The following PSAT1 variants were observed in gnomAD, a reference collection of about 807,000 sequenced individuals.
PSAT1 encodes phosphoserine aminotransferase.
Under a neutral mutation model 40.3 loss-of-function variants are expected in PSAT1, and 41 were observed. That is an observed-to-expected ratio of 1.02 (90% CI 0.79 to 1.32). The LOEUF is 1.32. Ranked by LOEUF, PSAT1 falls within the 40% of genes most tolerant of loss-of-function variation. The pLI, the probability that PSAT1 is intolerant of heterozygous loss-of-function variation, is 0.00. For synonymous variants in PSAT1, 147 were observed against 170.5 expected (o/e 0.86, Z 1.07); for missense variants, 406 against 455.8 (o/e 0.89, Z 0.99).
intron 6 of PSAT1, among the ~76,000 whole-genome samples, chr9:78,310,985 A>G (rs1054816013): frequency 6.6e-6 from 1 of 152,086 alleles, no homozygotes; most frequent in African/African-American, 2.4e-5. Context: ...AGCTCCTCAC[A>G]TTGTGTCTCC....
chr9:78,322,148 T>C (rs1828437782), intron 7 of PSAT1, among the ~76,000 whole-genome samples: 1 of 149,300 alleles, frequency 6.7e-6, no homozygotes, highest in South Asian at 2.1e-4. Flanking sequence ...ATATAATATA[T>C]ATTAATTTTA....
intron 8 of PSAT1, among the ~76,000 whole-genome samples, chr9:78,328,684 C>A (rs565115738): frequency 2.6e-5 from 4 of 152,218 alleles, no homozygotes; most frequent in Non-Finnish European, 5.9e-5. Context: ...TGAACAGAAT[C>A]GCTATCTTCT....
intron 6 of PSAT1, among the ~76,000 whole-genome samples, chr9:78,310,914 A>G (rs1269917166): frequency 6.6e-6 from 1 of 152,014 alleles, no homozygotes; most frequent in Non-Finnish European, 1.5e-5. Context: ...ATTTTTTTCA[A>G]TGTTAGAATT....
chr9:78,300,224 A>C (rs1179315791), intron 1 of PSAT1, among the ~76,000 whole-genome samples: 1 of 152,148 alleles, frequency 6.6e-6, no homozygotes, highest in Non-Finnish European at 1.5e-5. Context: ...AAATTGAGTT[A>C]CCTGTATAAT....
intron 3 of PSAT1, among the ~76,000 whole-genome samples, chr9:78,303,654 C>G (rs1480990097): frequency 6.6e-6 from 1 of 152,174 alleles, no homozygotes; most frequent in East Asian, 1.9e-4. Context: ...TGGCCAGAGT[C>G]TCCTAAGACC....
At chr9:78,307,542 G>C (rs61418023) in intron 5 of PSAT1, among the ~76,000 whole-genome samples, 1 of 151,968 alleles carries the variant, frequency 6.6e-6, no homozygotes, top group Non-Finnish European at 1.5e-5. Flanking sequence ...TCCTGCCAAC[G>C]CTCAATTTTC....
chr9:78,313,365 AAAAC>A (rs754274074), intron 6 of PSAT1, among the ~76,000 whole-genome samples: 61 of 152,352 alleles, frequency 4.0e-4, no homozygotes, highest in Non-Finnish European at 4.9e-4. Context: ...TCTGCCTCAA[AAAAC>A]AAACAAAGAA....
chr9:78,309,314 G>A (rs1296336999), intron 6 of PSAT1, among the ~76,000 whole-genome samples: 2 of 152,238 alleles, frequency 1.3e-5, no homozygotes, highest in Non-Finnish European at 2.9e-5. Context: ...CGGGCCTGCG[G>A]GAAGCTGGCT....
At chr9:78,306,225 A>C (rs1426976418) in intron 4 of PSAT1, 89 bp from the exon 5 acceptor site, 1 of 1,379,464 alleles carries the variant, frequency 7.2e-7, no homozygotes. Flanking sequence ...CTGCTAGGGG[A>C]GGCCTGTCAG....
intron 7 of PSAT1, among the ~76,000 whole-genome samples, chr9:78,326,955 A>ATATATATATATATATT: frequency 1.3e-5 from 1 of 75,964 alleles, no homozygotes; most frequent in Non-Finnish European, 2.1e-5. Context: ...ATATATATAT[A>ATATATATATATATATT]TTTTTTTTTT....
intron 5 of PSAT1, among the ~76,000 whole-genome samples, chr9:78,306,957 T>C (rs996106349): frequency 1.4e-4 from 21 of 152,198 alleles, no homozygotes; most frequent in African/African-American, 4.8e-4. Context: ...CAGGGTGCGA[T>C]GCGGGTAGAG....
intron 8 of PSAT1, among the ~76,000 whole-genome samples, 186 bp downstream of exon 8, chr9:78,328,374 A>G (rs761877711): frequency 6.6e-6 from 1 of 152,130 alleles, no homozygotes; most frequent in Non-Finnish European, 1.5e-5. Flanking sequence ...ATAATTCCCC[A>G]GCTGAGAGTA....
At chr9:78,316,258 C>T (rs1409261492) in intron 6 of PSAT1, among the ~76,000 whole-genome samples, 1 of 152,170 alleles carries the variant, frequency 6.6e-6, no homozygotes, top group Non-Finnish European at 1.5e-5. Context: ...AGTTGAAATA[C>T]TTGGTTCAGA....
chr9:78,315,696 C>T (rs749672958), intron 6 of PSAT1, among the ~76,000 whole-genome samples: 11 of 152,200 alleles, frequency 7.2e-5, no homozygotes, highest in Non-Finnish European at 1.3e-4. Flanking sequence ...CCCCTCTGGG[C>T]AGCCCGGTGT....
intron 1 of PSAT1, 145 bp from the exon 2 acceptor site, chr9:78,300,457 G>A: frequency 2.0e-6 from 2 of 1,020,664 alleles, no homozygotes; most frequent in Non-Finnish European, 2.6e-6. Context: ...GACATGGGAA[G>A]GAAGGAGACT....
chr9:78,314,744 TAG>T (rs1394960888), intron 6 of PSAT1, among the ~76,000 whole-genome samples: 2 of 152,076 alleles, frequency 1.3e-5, no homozygotes. Flanking sequence ...AGCAGTCAGC[TAG>T]GGGTTCAGGC....
chr9:78,326,333 T>A (rs1828497002), intron 7 of PSAT1, among the ~76,000 whole-genome samples: 1 of 152,176 alleles, frequency 6.6e-6, no homozygotes, highest in South Asian at 2.1e-4. Flanking sequence ...TTTAAAAAAA[T>A]TGCAGAGTAA....
intron 3 of PSAT1, among the ~76,000 whole-genome samples, chr9:78,302,812 CTT>C (rs1282034828): frequency 6.7e-6 from 1 of 150,030 alleles, no homozygotes; most frequent in African/African-American, 2.5e-5. Context: ...TCTGGAGAGA[CTT>C]TATTTTTAAC....
chr9:78,308,110 C>T (rs1217295538), intron 5 of PSAT1, among the ~76,000 whole-genome samples: 1 of 152,128 alleles, frequency 6.6e-6, no homozygotes. Flanking sequence ...AGACTCCTTT[C>T]TACTTTGGGG....
Sources: allele counts gnomAD v4.1 joint callset (sites outside exome capture counted in the v4.1 genomes callset), GRCh38; gene constraint gnomAD v4.1.1; transcripts MANE v1.5; gene names NCBI Gene and HGNC (gene_info 2026-07-23, HGNC 2026-07-21).